Variants in SLC66A1 observed in about 807,000 individuals in gnomAD.
SLC66A1 encodes lysosomal amino acid transporter 1 homolog.
Under a neutral mutation model 33.0 loss-of-function variants are expected in SLC66A1, and 23 were observed. The ratio of observed to expected loss-of-function variants is 0.70; its 90% confidence interval spans 0.50 to 0.99. The LOEUF is 0.99. Among genes scored for constraint, SLC66A1 ranks in the 50% least tolerant of loss-of-function variants. SLC66A1 has a pLI of 0.00. For missense variants in SLC66A1, 335 were observed against 383.6 expected (o/e 0.87, Z 1.06); for synonymous variants, 164 against 175.5 (o/e 0.93, Z 0.52).
intron 1 of SLC66A1, among the ~76,000 whole-genome samples, chr1:19,314,493 G>A (rs1345781303): frequency 2.0e-5 from 3 of 152,208 alleles, no homozygotes; most frequent in Admixed American, 6.5e-5. Flanking sequence ...GGGGAAAGGG[G>A]GAAATGAGAG....
In SLC66A1 at chr1:19,317,694, T is replaced by C. The variant is rs1268976758; in HGVS notation, c.17T>C (p.Leu6Pro). ...TCCACAGCCATGGTCTGGAAGAAACTGGGCTCCCGCAACTTCTCCAGCTGC... is the reference window on the plus strand; with the variant it reads ...TCCACAGCCATGGTCTGGAAGAAACCGGGCTCCCGCAACTTCTCCAGCTGC... MVWKKLGSRNFSSCPS... is the reference protein window; with the variant it reads MVWKKPGSRNFSSCPS... The change falls in exon 2 of 8, where the codon CTG (leucine) becomes CCG (proline). Residue 6 changes from leucine to proline, a missense_variant. Physicochemically the swap from Leu to Pro is moderately conservative, Grantham distance 98. Transcript: ENST00000375153. The C allele has an allele frequency of 1.2e-6, 2 of 1,614,096 alleles. No homozygotes were observed. The highest frequency in any genetic ancestry group is 1.7e-6 in the Non-Finnish European group (2 of 1,179,942).
intron 2 of SLC66A1, among the ~76,000 whole-genome samples, chr1:19,321,391 G>A (rs1330407460): frequency 2.0e-5 from 3 of 148,716 alleles, no homozygotes; most frequent in Admixed American, 6.6e-5. Flanking sequence ...TATTGTCCAG[G>A]CTGGTCTCAA....
chr1:19,330,482 A>T (rs1437239047), downstream of SLC66A1, among the ~76,000 whole-genome samples: 1 of 152,172 alleles, frequency 6.6e-6, no homozygotes, highest in Non-Finnish European at 1.5e-5. Context: ...CCTGCCTTCC[A>T]GGAGAGGAGA....
chr1:19,321,082 T>G (rs2152005402), intron 2 of SLC66A1, among the ~76,000 whole-genome samples: 1 of 150,054 alleles, frequency 6.7e-6, no homozygotes, highest in South Asian at 2.1e-4. Context: ...TCCAGTTTAT[T>G]TTTTCTCTTT....
In SLC66A1 at chr1:19,328,834, C is replaced by T. The variant is rs568013856; in HGVS notation, c.*191C>T. On this transcript the variant is annotated 3_prime_UTR_variant, in exon 8 of 8. Transcript: ENST00000375153. The surrounding 1 kb of genome is among the most constrained non-coding windows in gnomAD (Gnocchi z 4.7). ...CGAAGCCTCAAGGCCGGGGCTGGAG[C>T]GGAGACCCCAGGGCCTCTCAGGAGA... 1.4e-5 allele frequency: 9 copies of T among 638,538 alleles called. No individual in the cohort carries two copies. Among genetic ancestry groups the T allele is most frequent in the African/African-American group, 1.8e-5 (1 of 54,616 alleles). The allele number at this position is 638,538 out of a possible 1,614,324, so 39.6% of individuals were successfully genotyped here.
At chr1:19,324,915 C>T (rs985857747) in intron 3 of SLC66A1, among the ~76,000 whole-genome samples, 153 bp downstream of exon 3, 3 of 152,236 alleles carry the variant, frequency 2.0e-5, no homozygotes, top group Admixed American at 1.3e-4. Context: ...TTCTGTCTGC[C>T]GAACTGTGAC....
chr1:19,332,321 T>C (rs1299224262), downstream of SLC66A1, among the ~76,000 whole-genome samples: 1 of 152,164 alleles, frequency 6.6e-6, no homozygotes, highest in Non-Finnish European at 1.5e-5. Context: ...AACAACACTG[T>C]CTGCCTCAGA....
chr1:19,325,430 C>T, intron 3 of SLC66A1, 65 bp from the exon 4 acceptor site: 2 of 1,157,422 alleles, frequency 1.7e-6, no homozygotes, highest in Non-Finnish European at 2.6e-6. Context: ...TGACAGAGGG[C>T]TGCCGGGGCG....
At chr1:19,325,639 G>GGGGGT in intron 4 of SLC66A1, 57 bp downstream of exon 4, 23 of 1,087,512 alleles carry the variant, frequency 2.1e-5, no homozygotes, top group East Asian at 5.1e-5. Context: ...GGGCAGTTGT[G>GGGGGT]GGGGGGGGCG....
chr1:19,320,474 T>C (rs1361147648), intron 2 of SLC66A1, among the ~76,000 whole-genome samples: 11 of 140,972 alleles, frequency 7.8e-5, no homozygotes. Context: ...AGAGCGGTGG[T>C]GCGATCTCGG....
downstream of SLC66A1, chr1:19,329,437 C>G (rs963444932): frequency 2.0e-5 from 3 of 152,572 alleles, no homozygotes; most frequent in African/African-American, 7.2e-5. Context: ...GCCCAGCCTC[C>G]TGGGGCCTCT....
downstream of SLC66A1, among the ~76,000 whole-genome samples, chr1:19,332,464 G>A (rs1281703484): frequency 6.6e-6 from 1 of 152,146 alleles, no homozygotes; most frequent in African/African-American, 2.4e-5. Flanking sequence ...CCTCCCCCAG[G>A]TTCCTCACAA....
chr1:19,324,182 C>T (rs1323783988), intron 2 of SLC66A1, among the ~76,000 whole-genome samples: 1 of 152,244 alleles, frequency 6.6e-6, no homozygotes, highest in African/African-American at 2.4e-5. Context: ...CCTGGAGACC[C>T]GGCGTGCCCA....
chr1:19,328,875 T>A lies in SLC66A1; in HGVS notation c.*232T>A. On this transcript the variant is annotated 3_prime_UTR_variant, in exon 8 of 8. Transcript: ENST00000375153. This position sits in a 1 kb window ranked among gnomAD's most constrained non-coding sequence, Gnocchi z 4.7. ...TCTCAGGAGACAGTGAGGCTGCCCC[T>A]CCTACCACCTACCTCATTCTGCCTA... The A allele has an allele frequency of 1.7e-6, 1 of 585,254 alleles. No homozygotes were observed. Among genetic ancestry groups the A allele is most frequent in the Admixed American group, 3.0e-5 (1 of 32,826 alleles). 36.3% of individuals were successfully genotyped at this position (585,254 alleles called of 1,614,324 possible).
chr1:19,326,645 G>A, intron 6 of SLC66A1, 22 bp downstream of exon 6: 1 of 1,611,554 alleles, frequency 6.2e-7, no homozygotes, highest in Non-Finnish European at 8.5e-7. Context: ...GCAGGGGCTG[G>A]GTGGGGCCGA....
chr1:19,332,728 T>C (rs969718079), downstream of SLC66A1, among the ~76,000 whole-genome samples: 2 of 152,204 alleles, frequency 1.3e-5, no homozygotes, highest in Non-Finnish European at 2.9e-5. Context: ...ACAGGTGGCT[T>C]CCCTTTCTCC....
At chr1:19,324,867 C>T in intron 3 of SLC66A1, 105 bp downstream of exon 3, 1 of 1,424,012 alleles carries the variant, frequency 7.0e-7, no homozygotes, top group Non-Finnish European at 9.4e-7. Flanking sequence ...TCTCCAGAAC[C>T]CTGACCCGTC....
chr1:19,327,456 G>A (rs2093874279), intron 7 of SLC66A1, 44 bp downstream of exon 7: 11 of 1,563,462 alleles, frequency 7.0e-6, no homozygotes, highest in African/African-American at 1.3e-5. Flanking sequence ...GTGTGGGCAA[G>A]GAAGCTTCTG....
intron 1 of SLC66A1, among the ~76,000 whole-genome samples, chr1:19,315,542 C>T (rs149679683): frequency 1.3e-5 from 2 of 152,290 alleles, no homozygotes; most frequent in East Asian, 1.9e-4. Context: ...TCAGCAGTTC[C>T]GTGGGGCCAG....
Sources: allele counts gnomAD v4.1 joint callset (sites outside exome capture counted in the v4.1 genomes callset), GRCh38; gene constraint gnomAD v4.1.1; non-coding constraint Gnocchi (gnomAD v3.1); transcripts MANE v1.5; gene names NCBI Gene and HGNC (gene_info 2026-07-23, HGNC 2026-07-21).